The following PFKP variants were observed in gnomAD, a reference collection of about 807,000 sequenced individuals.
PFKP encodes phosphofructokinase, platelet, also known as ATP-dependent 6-phosphofructokinase, platelet type.
In PFKP, 101 loss-of-function variants were observed where a neutral mutation model predicts 94.3. The observed-to-expected ratio is 1.07, with a 90% CI of 0.91 to 1.26. The LOEUF is 1.26. Among genes scored for constraint, PFKP ranks in the 50% most tolerant of loss-of-function variants. The pLI is 0.00. For missense variants in PFKP, 1,145 were observed against 1,103.3 expected, an observed-to-expected ratio of 1.04 and a Z score of -0.53; for synonymous variants, 573 against 432.6, an observed-to-expected ratio of 1.32 and a Z score of -4.03.
In PFKP at chr10:3,120,820, C is replaced by G. The variant is rs141078617; in HGVS notation, c.1683+776C>G. Among the ~76,000 whole-genome samples, 1,204 of 152,198 alleles carry G rather than the reference C, an allele frequency of 7.9e-3. 13 individuals are homozygous for G. The highest frequency in any genetic ancestry group is 0.028 in the African/African-American group (1,160 of 41,528). Reference sequence around the variant, plus strand: ...GACCACAGGCATGTGCCACCATTCCCGGCTAAAAGAAATATACACCTATTC... The same window carrying G: ...GACCACAGGCATGTGCCACCATTCCGGGCTAAAAGAAATATACACCTATTC... On this transcript the variant is annotated intron_variant, in intron 16 of 21. Transcript: ENST00000381125.
In PFKP at chr10:3,101,601, C is replaced by A; in HGVS notation, c.454+47C>A. The A allele has an allele frequency of 2.2e-6, 3 of 1,369,472 alleles. No homozygotes were observed. In the South Asian group the frequency reaches 4.5e-5, roughly 21 times the overall value. The allele number at this position is 1,369,472 out of a possible 1,614,324, so 84.8% of individuals were successfully genotyped here. A position where few individuals can be genotyped will look rare whatever the true frequency, so the allele number is the denominator to read the frequency against. On this transcript the variant is annotated intron_variant, in intron 4 of 21. Coordinates refer to ENST00000381125, the MANE Select transcript of PFKP (RefSeq NM_002627.5). ...TGTCCTGCGGGTTTTCGCCCTGTTTCAGAGCTTTGGAACCGACAGGTTTCC... is the reference window on the plus strand; with the variant it reads ...TGTCCTGCGGGTTTTCGCCCTGTTTAAGAGCTTTGGAACCGACAGGTTTCC...
chr10:3,116,697 AC>A, intron 13 of PFKP, 78 bp from the exon 14 acceptor site: 1 of 1,047,260 alleles, frequency 9.5e-7, no homozygotes, highest in Non-Finnish European at 1.5e-6. Flanking sequence ...GTTGAAAAGT[AC>A]AGAAAGCTAT....
At chr10:3,123,811 T>C (rs1332983449) in intron 16 of PFKP, among the ~76,000 whole-genome samples, 2 of 152,258 alleles carry the variant, frequency 1.3e-5, no homozygotes, top group Non-Finnish European at 2.9e-5. Flanking sequence ...ATTGAAGTCC[T>C]GCAAAAACTG....
intron 2 of PFKP, among the ~76,000 whole-genome samples, chr10:3,090,950 T>C (rs1174044927): frequency 6.6e-6 from 1 of 152,162 alleles, no homozygotes; most frequent in Non-Finnish European, 1.5e-5. Flanking sequence ...AACAGGTTAC[T>C]ATTAATTAAA....
rs1233473226 is a variant in PFKP at position 3,132,455 on chromosome 10, A to T, written c.1910+14A>T. 2 of 1,585,806 alleles carry T rather than the reference A, an allele frequency of 1.3e-6. No individual in the cohort carries two copies. The highest frequency in any genetic ancestry group is 2.2e-5 in the East Asian group (1 of 44,720). ...CCTTGTGCTCAGGTGAGAGAGAGAG[A>T]CCAGGGGCTGATCTTACCCTCACCG... On this transcript the variant is annotated intron_variant, in intron 18 of 21. Coordinates refer to ENST00000381125, the MANE Select transcript of PFKP (RefSeq NM_002627.5).
In PFKP at chr10:3,132,437, C is replaced by G. The variant is rs1433696181; in HGVS notation, c.1906C>G (p.Leu636Val). ...MKTTIQRGLVLRNESCSENYT... is the reference protein window; with the variant it reads ...MKTTIQRGLVVRNESCSENYT... Reference sequence around the variant, plus strand: ...GACCACCATCCAGAGAGGCCTTGTGCTCAGGTGAGAGAGAGAGACCAGGGG... The same window carrying G: ...GACCACCATCCAGAGAGGCCTTGTGGTCAGGTGAGAGAGAGAGACCAGGGG... Residue 636 changes from leucine to valine, a missense_variant, in exon 18 of 22, where the codon CTC (leucine) becomes GTC (valine). Around this residue, in one of 3 missense-constraint regions of PFKP, gnomAD observed 1,119 missense variants for 1,062.8 expected, o/e 1.05. Coordinates refer to ENST00000381125, the MANE Select transcript of PFKP (RefSeq NM_002627.5). The G allele has an allele frequency of 6.2e-7, 1 of 1,607,224 alleles. No homozygotes were observed. Among genetic ancestry groups the G allele is most frequent in the Middle Eastern group, 1.7e-4 (1 of 6,046 alleles).
At chr10:3,131,338 C>G (rs1488079826) in intron 17 of PFKP, among the ~76,000 whole-genome samples, 4 of 151,728 alleles carry the variant, frequency 2.6e-5, no homozygotes. Flanking sequence ...ATGCATTTCT[C>G]AAGGAACATA....
At chr10:3,110,994 TTGAG>T (rs1836169025) in intron 10 of PFKP, among the ~76,000 whole-genome samples, 1 of 150,148 alleles carries the variant, frequency 6.7e-6, no homozygotes, top group African/African-American at 2.5e-5. Context: ...ATGTGTACAT[TTGAG>T]TGTGAGGTAG....
At chr10:3,092,017 G>A (rs1330982668) in intron 2 of PFKP, among the ~76,000 whole-genome samples, 3 of 152,136 alleles carry the variant, frequency 2.0e-5, no homozygotes, top group Non-Finnish European at 2.9e-5. Context: ...AAAGGATAAA[G>A]GGTGTTGGTA....
rs1834984549 is a variant in PFKP at position 3,101,424 on chromosome 10, G to A, written c.324G>A (p.Leu108=). The part of the protein sequence containing the change: ...CQAFRTREGR[L]KAACNLLQRG... ...CCTTCCGCACGCGGGAAGGCCGCCT[G>A]AAGGCTGCTTGCAACCTGCTGCAGC... The change falls in exon 4 of 22, where the codon CTG becomes CTA. Residue 108 remains leucine, a synonymous_variant. Transcript: ENST00000381125. 6.2e-7 allele frequency: 1 copy of A among 1,607,968 alleles called. No individual in the cohort carries two copies. The highest frequency in any genetic ancestry group is 2.2e-5 in the East Asian group (1 of 44,626).
At chr10:3,068,352 G>A (rs187983535) in intron 1 of PFKP, among the ~76,000 whole-genome samples, 1,621 of 152,276 alleles carry the variant, frequency 0.011, 31 homozygotes, top group African/African-American at 0.037. Context: ...AGGGCGGTCC[G>A]GCAGCCCCTC....
At chr10:3,098,969 C>A (rs1356868250) in intron 2 of PFKP, among the ~76,000 whole-genome samples, 1 of 152,182 alleles carries the variant, frequency 6.6e-6, no homozygotes, top group Non-Finnish European at 1.5e-5. Context: ...TGACCCCTTT[C>A]AACCTCTAGC....
At chr10:3,102,557 G>A (rs1343647955) in intron 4 of PFKP, among the ~76,000 whole-genome samples, 2 of 151,982 alleles carry the variant, frequency 1.3e-5, no homozygotes, top group East Asian at 3.9e-4. Context: ...GGGATTACAG[G>A]CATGCGCCAC....
intron 20 of PFKP, 148 bp from the exon 21 acceptor site, chr10:3,135,588 T>C: frequency 3.5e-6 from 2 of 575,358 alleles, no homozygotes; most frequent in Non-Finnish European, 6.2e-6. Context: ...CTGGCCCCAC[T>C]GCGCGGCTGT....
chr10:3,112,094 G>C (rs972264566), intron 10 of PFKP, 128 bp from the exon 11 acceptor site: 6 of 755,104 alleles, frequency 7.9e-6, no homozygotes, highest in Admixed American at 5.9e-5. Flanking sequence ...ATTAACCCTG[G>C]GGCTGCTGGC....
intron 1 of PFKP, chr10:3,069,118 C>A (rs1380076642): frequency 1.3e-5 from 7 of 523,464 alleles, no homozygotes; most frequent in African/African-American, 2.0e-5. Flanking sequence ...GCTCCCCAGG[C>A]CCGCAGCGCA....
At chr10:3,132,664 C>T in intron 18 of PFKP, among the ~76,000 whole-genome samples, 1 of 152,216 alleles carries the variant, frequency 6.6e-6, no homozygotes, top group East Asian at 1.9e-4. Context: ...TCTTTGATAT[C>T]TTGCAATCAT....
chr10:3,109,259 C>G lies in PFKP; in HGVS notation c.964-96C>G, dbSNP rs1175029073. The G allele has an allele frequency of 6.5e-6, 10 of 1,529,512 alleles. 1 individual carries two copies. In the East Asian group the frequency reaches 2.3e-4, roughly 34 times the overall value. 94.7% of individuals were successfully genotyped at this position (1,529,512 alleles called of 1,614,324 possible). A position where few individuals can be genotyped will look rare whatever the true frequency, so the allele number is the denominator to read the frequency against. ...TGGAAGCGGGAGGGGCTGTGAGCACCTGACTGAGGTCATTGGACGTCATGG... is the reference window on the plus strand; with the variant it reads ...TGGAAGCGGGAGGGGCTGTGAGCACGTGACTGAGGTCATTGGACGTCATGG... On this transcript the variant is annotated intron_variant, in intron 9 of 21. Coordinates refer to ENST00000381125, the MANE Select transcript of PFKP (RefSeq NM_002627.5).
At chr10:3,091,340 T>C (rs918853516) in intron 2 of PFKP, among the ~76,000 whole-genome samples, 10 of 152,156 alleles carry the variant, frequency 6.6e-5, no homozygotes, top group Non-Finnish European at 2.9e-5. Flanking sequence ...ACCCTGGCTC[T>C]GGTGGGTCCA....
Sources: allele counts gnomAD v4.1 joint callset (sites outside exome capture counted in the v4.1 genomes callset), GRCh38; gene constraint gnomAD v4.1.1; regional missense constraint gnomAD v4.1.1; transcripts MANE v1.5; gene names NCBI Gene and HGNC (gene_info 2026-07-23, HGNC 2026-07-21).